TTN: variants seen among roughly 807,000 people sequenced by gnomAD.
The protein encoded by TTN is titin.
Under a neutral mutation model 3,223.0 loss-of-function variants are expected in TTN, and 1,525 were observed. The observed-to-expected ratio is 0.47, with a 90% CI of 0.45 to 0.49. TTN has a LOEUF of 0.49. TTN is among the 20% of genes least tolerant of loss of function. The probability of loss-of-function intolerance (pLI) is 0.00; values close to 1 mark genes in which losing one functional copy is unlikely to be tolerated. For missense variants in TTN, 40,786 were observed against 43,424.0 expected, an observed-to-expected ratio of 0.94 and a Z score of 5.40; for synonymous variants, 14,094 against 15,161.0, an observed-to-expected ratio of 0.93 and a Z score of 5.17.
intron 135 of TTN, 122 bp downstream of exon 135, chr2:178,682,575 C>A: frequency 1.0e-6 from 1 of 1,001,852 alleles, no homozygotes; most frequent in Non-Finnish European, 1.4e-6. Flanking sequence ...CGAAATGAAA[C>A]AAAGTTCTTT....
In TTN at chr2:178,548,113, G is replaced by C; in HGVS notation, c.93513C>G (p.Phe31171Leu). Residue 31171 changes from phenylalanine to leucine, a missense_variant, in exon 339 of 363, where the codon TTC becomes TTG. Coordinates refer to ENST00000589042, the MANE Select transcript of TTN (RefSeq NM_001267550.2). This position sits in a 1 kb window ranked among gnomAD's most constrained non-coding sequence, Gnocchi z 4.3. ...TTTTCTCAACAAGACGCTCTACTGT[G>C]AAAGTTAGCTGTTTGGTGTGACCAG... ...VEAGHTKQLTFTVERLVEKTE... is the reference protein window; with the variant it reads ...VEAGHTKQLTLTVERLVEKTE... 2 of 1,613,884 alleles carry C rather than the reference G, an allele frequency of 1.2e-6. No homozygotes were observed. Among genetic ancestry groups the C allele is most frequent in the Middle Eastern group, 1.6e-4 (1 of 6,062 alleles).
At position 178,532,195 on chromosome 2, in the gene TTN, C is replaced by G. The variant is rs973111888; in HGVS notation, c.104420G>C (p.Arg34807Thr). ...AATTTCTGTTATTTCTGTCACTTCT[C>G]TTTGTCGCCTTGATTTCTTTCTAGA... ...EKSRKKSRRQ[R>T]EVTEITEIEE... The change falls in exon 358 of 363, where the codon AGA becomes ACA. Residue 34807 changes from arginine to threonine, a missense_variant. Coordinates refer to ENST00000589042, the MANE Select transcript of TTN (RefSeq NM_001267550.2). 3 of 1,613,508 alleles carry G rather than the reference C, an allele frequency of 1.9e-6. No homozygotes were observed. The highest frequency in any genetic ancestry group is 1.3e-5 in the African/African-American group (1 of 74,936).
intron 326 of TTN, 121 bp from the exon 327 acceptor site, chr2:178,558,758 G>T (rs73036370): frequency 1.7e-5 from 20 of 1,153,324 alleles, no homozygotes; most frequent in Non-Finnish European, 2.3e-5. Flanking sequence ...GTTGATTTTA[G>T]TCTTCCTTTT....
At position 178,564,275 on chromosome 2, in the gene TTN, A is replaced by G. The variant is rs1704824668; in HGVS notation, c.81857T>C (p.Val27286Ala). The change falls in exon 326 of 363, where the codon GTT (valine) becomes GCT (alanine). Residue 27286 changes from valine (V) to alanine (A), a missense_variant. Physicochemically the swap from Val to Ala is moderately conservative, Grantham distance 64. Coordinates refer to ENST00000589042, the MANE Select transcript of TTN (RefSeq NM_001267550.2). ...SLDPKYKDVIVVHAGETFVLE... is the reference protein window; with the variant it reads ...SLDPKYKDVIAVHAGETFVLE... ...AACAAAAGTCTCTCCTGCATGAACA[A>G]CGATGACATCTTTATATTTTGGATC... 1.9e-6 allele frequency: 3 copies of G among 1,613,300 alleles called. No individual in the cohort carries two copies. The highest frequency in any genetic ancestry group is 2.5e-6 in the Non-Finnish European group (3 of 1,179,774).
In TTN at chr2:178,579,737, A is replaced by G. The variant is rs879097484; in HGVS notation, c.67460T>C (p.Val22487Ala). 3 of 1,613,270 alleles carry G rather than the reference A, an allele frequency of 1.9e-6. No individual in the cohort carries two copies. The highest frequency in any genetic ancestry group is 8.5e-7 in the Non-Finnish European group (1 of 1,179,482). ...SDGGSRIIGY[V>A]VDFLTEENKW... is the part of the protein sequence containing the mutation. ...ATTTTCTTCAGTCAGGAAATCAACT[A>G]CATATCCAATAATCCGACTTCCACC... is the stretch of plus-strand genomic sequence containing the variant. The change falls in exon 319 of 363, where the codon GTA becomes GCA. Residue 22487 changes from valine to alanine, a missense_variant. Physicochemically the swap from Val to Ala is moderately conservative, Grantham distance 64 (BLOSUM62 0). Coordinates refer to ENST00000589042, the MANE Select transcript of TTN (RefSeq NM_001267550.2).
chr2:178,632,016 T>A (rs1160056517), intron 236 of TTN, 131 bp downstream of exon 236: 1 of 931,180 alleles, frequency 1.1e-6, no homozygotes, highest in African/African-American at 1.7e-5. Flanking sequence ...TGATTACATA[T>A]GTGATAGCTT....
rs2050254249 is a variant in TTN at position 178,591,750 on chromosome 2, G to T, written c.60069C>A (p.Asp20023Glu). 6.2e-7 allele frequency: 1 copy of T among 1,613,258 alleles called. No homozygotes were observed. The highest frequency in any genetic ancestry group is 2.2e-5 in the East Asian group (1 of 44,724). Residue 20023 changes from aspartate to glutamate, a missense_variant, in exon 303 of 363, where the codon GAC (aspartate) becomes GAA (glutamate). Physicochemically the swap from Asp to Glu is conservative, Grantham distance 45. Coordinates refer to ENST00000589042, the MANE Select transcript of TTN (RefSeq NM_001267550.2). ...TTGTCACAGTCTTAAATTTAATCCA[G>T]TCCTGGGTGCCTTCTTCTTGATATT... is the stretch of plus-strand genomic sequence containing the variant. ...LVEYQEEGTQDWIKFKTVTNL... is the reference protein window; with the variant it reads ...LVEYQEEGTQEWIKFKTVTNL...
In TTN at chr2:178,562,665, T is replaced by C. The variant is rs940216066; in HGVS notation, c.83467A>G (p.Thr27823Ala). ...YATITNNCTK[T>A]TFRIENLQEG... ...TGTAGATTTTCAATTCTGAAAGTAG[T>C]TTTAGTGCAATTATTTGTAATGGTA... is the stretch of plus-strand genomic sequence containing the variant. The change falls in exon 326 of 363, where the codon ACT becomes GCT. Residue 27823 changes from threonine to alanine, a missense_variant. Transcript: ENST00000589042. 1.9e-6 allele frequency: 3 copies of C among 1,596,642 alleles called. No homozygotes were observed. The highest frequency in any genetic ancestry group is 2.6e-6 in the Non-Finnish European group (3 of 1,173,478).
At chr2:178,735,141 A>G (rs1472320295) in intron 50 of TTN, among the ~76,000 whole-genome samples, 153 bp from the exon 51 acceptor site, 2 of 152,248 alleles carry the variant, frequency 1.3e-5, no homozygotes, top group African/African-American at 2.4e-5. Flanking sequence ...ATAGGTTCCT[A>G]TCATTCTAAG....
chr2:178,543,882 C>T lies in TTN; in HGVS notation c.96262G>A (p.Glu32088Lys), dbSNP rs1351862807. Reference sequence around the variant, plus strand: ...GCTGATTTCTTGCCAGATTGGTTTTCAGCTTCAATTGTGTATTTTCCAGCA... The same window carrying T: ...GCTGATTTCTTGCCAGATTGGTTTTTAGCTTCAATTGTGTATTTTCCAGCA... ...YDAGKYTIEAENQSGKKSATV... is the reference protein window; with the variant it reads ...YDAGKYTIEAKNQSGKKSATV... The change falls in exon 346 of 363, where the codon GAA (glutamate) becomes AAA (lysine). Residue 32088 changes from glutamate to lysine, a missense_variant. Transcript: ENST00000589042. 6.2e-7 allele frequency: 1 copy of T among 1,613,664 alleles called. No homozygotes were observed. Among genetic ancestry groups the T allele is most frequent in the South Asian group, 1.1e-5 (1 of 91,064 alleles).
chr2:178,725,641 TTGG>T lies in TTN; in HGVS notation c.20560_20562del (p.Pro6854del). 1 of 1,581,254 alleles carries T rather than the reference TTGG, an allele frequency of 6.3e-7. No individual in the cohort carries two copies. The highest frequency in any genetic ancestry group is 8.6e-7 in the Non-Finnish European group (1 of 1,162,512). On this transcript the variant is annotated inframe_deletion, in exon 71 of 363. Coordinates refer to ENST00000589042, the MANE Select transcript of TTN (RefSeq NM_001267550.2). The stretch of plus-strand genomic sequence containing the variant: ...AGGCTGTTCAGTTTGGAGACAAATC[TTGG>T]TGGTTCTGAACAGGAAAAGATGGAT...
chr2:178,705,917 T>G (rs183079332), intron 102 of TTN, among the ~76,000 whole-genome samples: 3 of 152,238 alleles, frequency 2.0e-5, no homozygotes, highest in Non-Finnish European at 4.4e-5. Context: ...GGTTTCTTTA[T>G]AGGCCATTTC....
rs1244268787 is a variant in TTN at position 178,766,409 on chromosome 2, G to C, written c.9675C>G (p.Asn3225Lys). The part of the protein sequence containing the change: ...AGEYTFVAGR[N>K]RSSVTLYVNA... ...TGACATAGAGAGTGACAGAACTCCT[G>C]TTCCTTCCTGCCACAAAGGTGTATT... Residue 3225 changes from asparagine to lysine, a missense_variant, in exon 41 of 363, where the codon AAC becomes AAG. Physicochemically the swap from Asn to Lys is moderately conservative, Grantham distance 94. Coordinates refer to ENST00000589042, the MANE Select transcript of TTN (RefSeq NM_001267550.2). 8 of 1,613,854 alleles carry C rather than the reference G, an allele frequency of 5.0e-6. No homozygotes were observed.
rs778143338 is a variant in TTN, at chr2:178,530,415, A to G, written c.106200T>C (p.Thr35400=). Residue 35400 remains threonine, a synonymous_variant, in exon 358 of 363, where the codon ACT becomes ACC. Coordinates refer to ENST00000589042, the MANE Select transcript of TTN (RefSeq NM_001267550.2). ...CAGTTTTTCTGGTTACTGTTGACTC[A>G]GTGGTTTTCTGATCTGATTTCTTAG... ...SETKKSDQKT[T]ESTVTRKTEP... 21 of 1,613,868 alleles carry G rather than the reference A, an allele frequency of 1.3e-5. 1 individual carries two copies. The highest frequency in any genetic ancestry group is 2.7e-5 in the African/African-American group (2 of 74,924).
chr2:178,673,810 T>C, intron 151 of TTN, 100 bp from the exon 152 acceptor site: 1 of 834,112 alleles, frequency 1.2e-6, no homozygotes, highest in Non-Finnish European at 1.9e-6. Flanking sequence ...TGACTTATTT[T>C]TAAAAGATAT....
At position 178,582,959 on chromosome 2, in the gene TTN, G is replaced by T. The variant is rs377188547; in HGVS notation, c.65844C>A (p.Thr21948=). 1 of 1,537,152 alleles carries T rather than the reference G, an allele frequency of 6.5e-7. No homozygotes were observed. Among genetic ancestry groups the T allele is most frequent in the Non-Finnish European group, 8.8e-7 (1 of 1,140,464 alleles). ...AGTTACCTAACACTTTAAGCTTAAT[G>T]GTGGCTGATTTAGAACCACTTGAAT... The part of the protein sequence containing the change: ...AENSSGSKSA[T]IKLKVLDKPG... The change falls in exon 313 of 363, where the codon ACC becomes ACA. Residue 21948 remains threonine, a synonymous_variant. Transcript: ENST00000589042.
intron 218 of TTN, among the ~76,000 whole-genome samples, chr2:178,642,746 T>G (rs2061405796): frequency 6.6e-6 from 1 of 151,978 alleles, no homozygotes; most frequent in African/African-American, 2.4e-5. Context: ...TCTTCTCCAC[T>G]GAGGGAAGAA....
In TTN at chr2:178,722,786, G is replaced by T. The variant is rs2154302379; in HGVS notation, c.22113C>A (p.Thr7371=). The T allele has an allele frequency of 6.2e-7, 1 of 1,613,322 alleles. No individual in the cohort carries two copies. Among genetic ancestry groups the T allele is most frequent in the Non-Finnish European group, 8.5e-7 (1 of 1,179,564 alleles). The change falls in exon 76 of 363, where the codon ACC becomes ACA. Residue 7371 remains threonine (T), a synonymous_variant. Transcript: ENST00000589042. ...TKLRPTPEYR[T]YFTNNVATLV... is the part of the protein sequence containing the mutation. ...GTGTGGCCACATTGTTTGTAAAGTA[G>T]GTCCTGTATTCAGGAGTTGGCCGTA...
At position 178,588,129 on chromosome 2, in the gene TTN, C is replaced by T. The variant is rs1400431485; in HGVS notation, c.63278G>A (p.Gly21093Asp). The change falls in exon 305 of 363, where the codon GGT becomes GAT. Residue 21093 changes from glycine (G) to aspartate (D), a missense_variant. Coordinates refer to ENST00000589042, the MANE Select transcript of TTN (RefSeq NM_001267550.2). ...CACAACATATCCAATGATCGGTGCACCACCATCATAGACTGGTTTTCCCCA... is the reference window on the plus strand; with the variant it reads ...CACAACATATCCAATGATCGGTGCATCACCATCATAGACTGGTTTTCCCCA... ...LGWGKPVYDG[G>D]APIIGYVVEM... is the part of the protein sequence containing the mutation. 1 of 1,612,618 alleles carries T rather than the reference C, an allele frequency of 6.2e-7. No homozygotes were observed. The highest frequency in any genetic ancestry group is 1.3e-5 in the African/African-American group (1 of 74,972).
Sources: gnomAD v4.1 joint callset for allele counts (sites outside exome capture counted in the v4.1 genomes callset) on GRCh38, gnomAD v4.1.1 for gene constraint, Gnocchi (gnomAD v3.1) non-coding constraint, MANE v1.5 for transcripts, NCBI Gene and HGNC (gene_info 2026-07-23, HGNC 2026-07-21) for gene names.